The following ARHGAP17 variants were observed in gnomAD, a reference collection of about 807,000 sequenced individuals.
The protein encoded by ARHGAP17 is rho GTPase-activating protein 17.
ARHGAP17 carries 57 observed loss-of-function variants against 99.5 expected under a neutral mutation model. That is an observed-to-expected ratio of 0.57 (90% CI 0.46 to 0.71). The LOEUF (loss-of-function observed/expected upper bound fraction) is 0.71, where lower values mean the gene tolerates loss of function less well. Among genes scored for constraint, ARHGAP17 ranks in the 30% least tolerant of loss-of-function variants. The probability of loss-of-function intolerance (pLI) is 0.00; values close to 1 mark genes in which losing one functional copy is unlikely to be tolerated. For synonymous variants in ARHGAP17, 417 were observed against 429.6 expected (o/e 0.97, Z 0.36); for missense variants, 1,000 against 1,122.4 (o/e 0.89, Z 1.56).
At chr16:24,933,965 C>T (rs1472062231) in intron 18 of ARHGAP17, among the ~76,000 whole-genome samples, 2 of 152,104 alleles carry the variant, frequency 1.3e-5, no homozygotes, top group African/African-American at 4.8e-5. Flanking sequence ...ACTAACTTCC[C>T]TCAAGGATCA....
At chr16:24,989,169 C>T (rs2052961442) in intron 1 of ARHGAP17, among the ~76,000 whole-genome samples, 1 of 152,148 alleles carries the variant, frequency 6.6e-6, no homozygotes, top group South Asian at 2.1e-4. Context: ...GCTCCCTCCA[C>T]ACCTGGGCTC....
At chr16:24,994,663 C>T (rs971709993) in intron 1 of ARHGAP17, among the ~76,000 whole-genome samples, 19 of 152,128 alleles carry the variant, frequency 1.2e-4, no homozygotes, top group Admixed American at 1.1e-3. Flanking sequence ...CTGAACTCTA[C>T]GGGATAAGTA....
intron 19 of ARHGAP17, among the ~76,000 whole-genome samples, chr16:24,921,933 G>C (rs768542769): frequency 1.3e-5 from 2 of 152,210 alleles, no homozygotes; most frequent in Non-Finnish European, 2.9e-5. Flanking sequence ...ACGAAGGCAG[G>C]GACTGTGTCT....
chr16:24,966,556 C>T (rs921840272), intron 6 of ARHGAP17, among the ~76,000 whole-genome samples: 4 of 151,938 alleles, frequency 2.6e-5, no homozygotes, highest in African/African-American at 9.7e-5. Flanking sequence ...TCGCTTGAAC[C>T]CAGCACCTTG....
chr16:24,935,506 T>G lies in ARHGAP17; in HGVS notation c.1858A>C (p.Asn620His). ...SHQLSMGQPH[N>H]AAGPSPHTLR... ...GTATGCGGGCTGGGCCCTGCAGCAT[T>G]GTGAGGTTGGCCCATGGAGAGCTGG... is the stretch of plus-strand genomic sequence containing the variant. The change falls in exon 18 of 20, where the codon AAT (asparagine) becomes CAT (histidine). Residue 620 changes from asparagine to histidine, a missense_variant. Coordinates refer to ENST00000289968, the MANE Select transcript of ARHGAP17 (RefSeq NM_001006634.3). 6.2e-7 allele frequency: 1 copy of G among 1,611,870 alleles called. No individual in the cohort carries two copies. The highest frequency in any genetic ancestry group is 8.5e-7 in the Non-Finnish European group (1 of 1,179,132).
Position 24,919,834 on chromosome 16 carries a change from C to T in ARHGAP17, c.*296G>A, listed in dbSNP as rs140864044. 4.9e-3 allele frequency: 1,191 copies of T among 242,446 alleles called. 1 individual carries two copies. Among genetic ancestry groups the T allele is most frequent in the Non-Finnish European group, 7.1e-3 (896 of 125,718 alleles). The allele number at this position is 242,446 out of a possible 1,614,324, so 15.0% of individuals were successfully genotyped here. ...ACAGCAGGGACAAAAGCTTCCTATG[C>T]GCGTTTCAGCAGGAATACTCTCTCC... is the stretch of plus-strand genomic sequence containing the variant. On this transcript the variant is annotated 3_prime_UTR_variant, in exon 20 of 20. Transcript: ENST00000289968.
At chr16:24,947,840 G>A (rs893687374) in intron 13 of ARHGAP17, among the ~76,000 whole-genome samples, 1 of 152,088 alleles carries the variant, frequency 6.6e-6, no homozygotes, top group African/African-American at 2.4e-5. Flanking sequence ...AACCCCTATT[G>A]GCTGTATATT....
At chr16:24,942,541 C>T (rs1356140461) in intron 15 of ARHGAP17, among the ~76,000 whole-genome samples, 3 of 151,942 alleles carry the variant, frequency 2.0e-5, no homozygotes, top group Admixed American at 6.6e-5. Context: ...CCAAGGCAGG[C>T]GGATCACTTG....
At chr16:24,956,708 G>T (rs772451193) in intron 9 of ARHGAP17, 1 of 152,206 alleles carries the variant, frequency 6.6e-6, no homozygotes, top group Non-Finnish European at 1.5e-5. Flanking sequence ...AGTGTTGCCA[G>T]ATGTTCTCAA....
chr16:24,928,734 G>T (rs541893233), intron 19 of ARHGAP17, among the ~76,000 whole-genome samples: 2 of 152,284 alleles, frequency 1.3e-5, no homozygotes, highest in East Asian at 3.9e-4. Flanking sequence ...GCTGATTAAA[G>T]CAGCTGTACA....
intron 1 of ARHGAP17, among the ~76,000 whole-genome samples, chr16:25,002,575 T>C (rs1396535754): frequency 1.3e-5 from 2 of 152,204 alleles, no homozygotes; most frequent in African/African-American, 4.8e-5. Context: ...GAAGCTTTTC[T>C]AACGATGGAC....
chr16:24,952,097 G>GA (rs2051661446), intron 12 of ARHGAP17, among the ~76,000 whole-genome samples, 192 bp downstream of exon 12: 1 of 152,078 alleles, frequency 6.6e-6, no homozygotes, highest in Non-Finnish European at 1.5e-5. Flanking sequence ...TGCCTACGTG[G>GA]TGACTTTCCT....
intron 9 of ARHGAP17, among the ~76,000 whole-genome samples, chr16:24,958,917 G>A (rs1157232981): frequency 1.3e-5 from 2 of 152,030 alleles, no homozygotes; most frequent in Admixed American, 6.6e-5. Flanking sequence ...AAAGACGGCC[G>A]AGCAATTTCT....
At chr16:24,943,486 TC>T (rs1269474934) in intron 15 of ARHGAP17, among the ~76,000 whole-genome samples, 1 of 152,062 alleles carries the variant, frequency 6.6e-6, no homozygotes, top group Non-Finnish European at 1.5e-5. Flanking sequence ...TGGCCGGAGT[TC>T]CCCCAGGTAA....
At chr16:24,972,412 T>C (rs1721879877) in intron 3 of ARHGAP17, among the ~76,000 whole-genome samples, 1 of 152,164 alleles carries the variant, frequency 6.6e-6, no homozygotes, top group Non-Finnish European at 1.5e-5. Flanking sequence ...AGAGACAAGG[T>C]CTCACTATGT....
intron 1 of ARHGAP17, among the ~76,000 whole-genome samples, chr16:25,004,550 A>G (rs2053455900): frequency 6.6e-6 from 1 of 152,242 alleles, no homozygotes; most frequent in African/African-American, 2.4e-5. Flanking sequence ...GTAACAGCTG[A>G]TGGGTGCTTT....
intron 3 of ARHGAP17, among the ~76,000 whole-genome samples, chr16:24,975,237 A>G (rs182913553): frequency 6.6e-6 from 1 of 152,348 alleles, no homozygotes; most frequent in East Asian, 1.9e-4. Context: ...GAGAGTCAAC[A>G]CAGAAGGAAG....
At chr16:25,002,374 G>A (rs567929600) in intron 1 of ARHGAP17, among the ~76,000 whole-genome samples, 5 of 152,140 alleles carry the variant, frequency 3.3e-5, no homozygotes, top group South Asian at 2.1e-4. Flanking sequence ...TAGCCCTGCC[G>A]TCATCACCTC....
At chr16:24,951,997 C>T (rs1306956454) in intron 12 of ARHGAP17, among the ~76,000 whole-genome samples, 1 of 152,174 alleles carries the variant, frequency 6.6e-6, no homozygotes, top group African/African-American at 2.4e-5. Flanking sequence ...GGGCTTTCTT[C>T]AACATAAAGG....
Sources: gnomAD v4.1 joint callset for allele counts (sites outside exome capture counted in the v4.1 genomes callset) on GRCh38, gnomAD v4.1.1 for gene constraint, MANE v1.5 for transcripts, NCBI Gene and HGNC (gene_info 2026-07-23, HGNC 2026-07-21) for gene names.